Variants in PPP1R9A observed in about 807,000 individuals in gnomAD.
PPP1R9A encodes neurabin-1.
In PPP1R9A, 59 loss-of-function variants were observed where a neutral mutation model predicts 141.9. The ratio of observed to expected loss-of-function variants is 0.42; its 90% CI spans 0.34 to 0.52. The LOEUF (loss-of-function observed/expected upper bound fraction) is 0.52. Ranked by LOEUF, PPP1R9A falls within the 20% of genes least tolerant of loss-of-function variation. PPP1R9A has a pLI of 0.10. For missense variants in PPP1R9A, 1,444 were observed against 1,611.9 expected (o/e 0.90, Z 1.78); for synonymous variants, 500 against 569.7 (o/e 0.88, Z 1.74).
chr7:95,047,690 G>A (rs1378043988), intron 2 of PPP1R9A, among the ~76,000 whole-genome samples: 1 of 152,102 alleles, frequency 6.6e-6, no homozygotes, highest in African/African-American at 2.4e-5. Context: ...ATTTAAATTT[G>A]CAATAACTTT....
At chr7:95,169,420 G>T (rs964103830) in intron 5 of PPP1R9A, among the ~76,000 whole-genome samples, 4 of 151,654 alleles carry the variant, frequency 2.6e-5, no homozygotes, top group African/African-American at 9.7e-5. Context: ...ATGAAGAGAG[G>T]TTGCTTAAAA....
intron 2 of PPP1R9A, among the ~76,000 whole-genome samples, chr7:95,012,607 G>C (rs1470572484): frequency 6.6e-6 from 1 of 152,120 alleles, no homozygotes; most frequent in Non-Finnish European, 1.5e-5. Context: ...TCCGTAAGAT[G>C]AACAAGATCA....
chr7:94,918,767 A>G (rs115379600), intron 2 of PPP1R9A, among the ~76,000 whole-genome samples: 3,399 of 152,286 alleles, frequency 0.022, 126 homozygotes, highest in African/African-American at 0.078. Context: ...GAAGAAGAAT[A>G]TAGGAGTATG....
intron 2 of PPP1R9A, among the ~76,000 whole-genome samples, chr7:94,975,379 T>G (rs1173192112): frequency 4.7e-5 from 7 of 149,658 alleles, no homozygotes; most frequent in African/African-American, 9.7e-5. Context: ...TTTTTTTTTT[T>G]TTTTAAGGAT....
chr7:94,993,686 C>T (rs1408843220), intron 2 of PPP1R9A, among the ~76,000 whole-genome samples: 5 of 151,876 alleles, frequency 3.3e-5, no homozygotes, highest in Non-Finnish European at 7.4e-5. Flanking sequence ...TTTCAATTTT[C>T]GGTGCTAGTA....
chr7:94,968,452 G>A (rs961917938), intron 2 of PPP1R9A, among the ~76,000 whole-genome samples: 2 of 150,408 alleles, frequency 1.3e-5, no homozygotes, highest in African/African-American at 2.4e-5. Context: ...GATTACAGGC[G>A]TGAGCGTCTC....
intron 2 of PPP1R9A, among the ~76,000 whole-genome samples, chr7:94,942,268 C>T (rs1172633383): frequency 6.6e-6 from 1 of 152,072 alleles, no homozygotes; most frequent in Admixed American, 6.6e-5. Context: ...ATTAGTTCTC[C>T]TTTTGTATTC....
At chr7:94,989,346 A>G (rs941578826) in intron 2 of PPP1R9A, among the ~76,000 whole-genome samples, 4 of 152,114 alleles carry the variant, frequency 2.6e-5, no homozygotes, top group African/African-American at 9.7e-5. Flanking sequence ...GCACAAATTT[A>G]TGTGGAGTAA....
chr7:95,096,183 A>G (rs1456742381), intron 2 of PPP1R9A, among the ~76,000 whole-genome samples: 9 of 152,142 alleles, frequency 5.9e-5, no homozygotes, highest in Admixed American at 5.9e-4. Flanking sequence ...GGCCTTTACA[A>G]TGCATATATT....
At chr7:95,250,809 T>C (rs1282216952) in intron 10 of PPP1R9A, among the ~76,000 whole-genome samples, 1 of 152,150 alleles carries the variant, frequency 6.6e-6, no homozygotes, top group East Asian at 1.9e-4. Context: ...GAGAGACCAT[T>C]ACCACATTCT....
intron 3 of PPP1R9A, among the ~76,000 whole-genome samples, chr7:95,116,467 A>C (rs1821539990): frequency 1.3e-5 from 2 of 152,196 alleles, no homozygotes; most frequent in Non-Finnish European, 2.9e-5. Flanking sequence ...AAAATGGGAA[A>C]AATATTTTAT....
chr7:95,283,461 C>T (rs1158062922), intron 16 of PPP1R9A, among the ~76,000 whole-genome samples: 1 of 152,186 alleles, frequency 6.6e-6, no homozygotes, highest in Non-Finnish European at 1.5e-5. Context: ...ATGAGGACTT[C>T]AGATCTCCTA....
At chr7:94,984,005 A>G (rs1365195506) in intron 2 of PPP1R9A, among the ~76,000 whole-genome samples, 1 of 152,154 alleles carries the variant, frequency 6.6e-6, no homozygotes, top group African/African-American at 2.4e-5. Flanking sequence ...GATAGGTTCC[A>G]TCAATACCTA....
intron 5 of PPP1R9A, among the ~76,000 whole-genome samples, chr7:95,176,009 C>G (rs1832847189): frequency 6.6e-6 from 1 of 152,006 alleles, no homozygotes; most frequent in Non-Finnish European, 1.5e-5. Flanking sequence ...GATGTGTAGG[C>G]TCTCATCATG....
intron 2 of PPP1R9A, among the ~76,000 whole-genome samples, chr7:95,003,749 T>A (rs1364072823): frequency 2.6e-5 from 4 of 152,188 alleles, no homozygotes; most frequent in Admixed American, 2.6e-4. Flanking sequence ...ATTGTTGGTC[T>A]GGGTTAGGGC....
chr7:94,988,035 C>T (rs1001756301), intron 2 of PPP1R9A, among the ~76,000 whole-genome samples: 4 of 152,072 alleles, frequency 2.6e-5, no homozygotes, highest in South Asian at 4.1e-4. Flanking sequence ...ACAGTAAATA[C>T]TTGGAATTGG....
chr7:95,273,822 C>A, intron 14 of PPP1R9A, 77 bp from the exon 15 acceptor site: 2 of 1,285,472 alleles, frequency 1.6e-6, no homozygotes, highest in South Asian at 1.4e-5. Flanking sequence ...CCCTTAGATT[C>A]AGAGATGCAT....
chr7:94,986,437 A>C lies in PPP1R9A; in HGVS notation c.1395+74929A>C, dbSNP rs1234035530. ...TTCTCACTCATATATAGGAGCTAAAACATGAGCGGATAGAGGTAGAGAGTA... is the reference window on the plus strand; with the variant it reads ...TTCTCACTCATATATAGGAGCTAAACCATGAGCGGATAGAGGTAGAGAGTA... On this transcript the variant is annotated intron_variant, in intron 2 of 19. Coordinates refer to ENST00000433360, the MANE Select transcript of PPP1R9A (RefSeq NM_001166160.2). Among the ~76,000 whole-genome samples the C allele has an allele frequency of 2.6e-5, 4 of 152,160 alleles. No individual in the cohort carries two copies. The East Asian group carries it at 7.7e-4, about 29-fold the overall frequency.
chr7:95,038,741 C>T (rs1808801265), intron 2 of PPP1R9A, among the ~76,000 whole-genome samples: 1 of 152,122 alleles, frequency 6.6e-6, no homozygotes, highest in Non-Finnish European at 1.5e-5. Context: ...TCTGATTAAA[C>T]AGAGGTTTAG....
Sources: allele counts gnomAD v4.1 joint callset (sites outside exome capture counted in the v4.1 genomes callset), GRCh38; gene constraint gnomAD v4.1.1; transcripts MANE v1.5; gene names NCBI Gene and HGNC (gene_info 2026-07-23, HGNC 2026-07-21).